TRPC7: variants seen among roughly 807,000 people sequenced by gnomAD.
TRPC7 encodes transient receptor potential cation channel subfamily C member 7, also known as short transient receptor potential channel 7.
In TRPC7, 42 loss-of-function variants were observed where a neutral mutation model predicts 90.1. The observed-to-expected ratio is 0.47, with a 90% CI of 0.36 to 0.60. TRPC7 has a LOEUF of 0.60. Among genes scored for constraint, TRPC7 ranks in the 20% least tolerant of loss-of-function variants. TRPC7 has a pLI of 0.00. For synonymous variants in TRPC7, 451 were observed against 436.3 expected, an observed-to-expected ratio of 1.03 and a Z score of -0.42; for missense variants, 955 against 1,112.3, an observed-to-expected ratio of 0.86 and a Z score of 2.01.
At chr5:136,254,071 G>A (rs1756611488) in intron 5 of TRPC7, among the ~76,000 whole-genome samples, 1 of 152,214 alleles carries the variant, frequency 6.6e-6, no homozygotes, top group African/African-American at 2.4e-5. Context: ...TGAGGAAGCT[G>A]CCAAAGAAAA....
chr5:136,303,399 C>A (rs1027510912), intron 3 of TRPC7, among the ~76,000 whole-genome samples: 3 of 152,208 alleles, frequency 2.0e-5, no homozygotes, highest in Non-Finnish European at 4.4e-5. Context: ...ACTTAGTTAA[C>A]CTCACCTTCA....
chr5:136,294,957 C>A (rs1350143564), intron 3 of TRPC7, among the ~76,000 whole-genome samples: 2 of 152,146 alleles, frequency 1.3e-5, no homozygotes, highest in Non-Finnish European at 2.9e-5. Context: ...TACTATGCAG[C>A]CATAAAAAGG....
chr5:136,216,051 C>T (rs936765022), intron 11 of TRPC7, 149 bp downstream of exon 11: 5 of 673,916 alleles, frequency 7.4e-6, no homozygotes, highest in East Asian at 2.7e-5. Flanking sequence ...TGCACTCTGC[C>T]GACAACTGAA....
chr5:136,257,225 C>T (rs376176944), intron 5 of TRPC7, among the ~76,000 whole-genome samples: 8 of 151,472 alleles, frequency 5.3e-5, no homozygotes, highest in African/African-American at 1.7e-4. Flanking sequence ...CTCTGTCGCC[C>T]AGGCTGGAGT....
At chr5:136,274,508 C>T (rs1319713383) in intron 4 of TRPC7, 165 bp downstream of exon 4, 1 of 717,742 alleles carries the variant, frequency 1.4e-6, no homozygotes, top group Non-Finnish European at 2.0e-6. Flanking sequence ...CACGTCTTAA[C>T]ATTTTTCCTT....
chr5:136,299,319 TTTCTC>T (rs898751849), intron 3 of TRPC7, among the ~76,000 whole-genome samples: 5 of 134,040 alleles, frequency 3.7e-5, no homozygotes, highest in Non-Finnish European at 8.0e-5. Context: ...AAAAAAGAAA[TTTCTC>T]TGACTGGGGT....
chr5:136,347,022 G>A (rs1427960535), intron 2 of TRPC7, among the ~76,000 whole-genome samples: 1 of 152,154 alleles, frequency 6.6e-6, no homozygotes, highest in Non-Finnish European at 1.5e-5. Context: ...GAATCCTACT[G>A]CATTATAACA....
At chr5:136,243,491 A>G (rs1320852213) in intron 7 of TRPC7, among the ~76,000 whole-genome samples, 1 of 151,954 alleles carries the variant, frequency 6.6e-6, no homozygotes, top group Non-Finnish European at 1.5e-5. Flanking sequence ...AGAACAGGCC[A>G]CTCACCTGTG....
At chr5:136,265,768 T>G (rs978786217) in intron 5 of TRPC7, among the ~76,000 whole-genome samples, 1 of 152,142 alleles carries the variant, frequency 6.6e-6, no homozygotes, top group African/African-American at 2.4e-5. Context: ...CTCCCGTGAA[T>G]TTTTAGATGT....
intron 3 of TRPC7, among the ~76,000 whole-genome samples, chr5:136,278,085 C>T (rs777343597): frequency 2.6e-5 from 4 of 152,180 alleles, no homozygotes; most frequent in African/African-American, 4.8e-5. Context: ...AGGAGTTGGC[C>T]TGCAGGGAGA....
intron 3 of TRPC7, among the ~76,000 whole-genome samples, chr5:136,279,651 T>TA (rs1301371604): frequency 1.3e-5 from 2 of 152,156 alleles, no homozygotes; most frequent in East Asian, 3.9e-4. Context: ...CCACCCTCCA[T>TA]ACCTGGCAGC....
At chr5:136,290,219 C>T (rs369880085) in intron 3 of TRPC7, among the ~76,000 whole-genome samples, 2 of 152,174 alleles carry the variant, frequency 1.3e-5, no homozygotes, top group Non-Finnish European at 2.9e-5. Flanking sequence ...ACTGGAAACT[C>T]TAAAAATCAG....
chr5:136,228,041 C>T (rs954025601), intron 8 of TRPC7, among the ~76,000 whole-genome samples: 14 of 152,134 alleles, frequency 9.2e-5, no homozygotes, highest in African/African-American at 3.4e-4. Context: ...CGATCCATGC[C>T]GTGGTGGAAC....
intron 2 of TRPC7, among the ~76,000 whole-genome samples, chr5:136,352,849 C>A (rs1051051770): frequency 1.3e-5 from 2 of 152,156 alleles, no homozygotes; most frequent in African/African-American, 4.8e-5. Context: ...CTTTGTGCCC[C>A]CAACCAGCCT....
chr5:136,226,056 C>A lies in TRPC7; in HGVS notation c.2240G>T (p.Gly747Val). 1 of 1,599,852 alleles carries A rather than the reference C, an allele frequency of 6.3e-7. No individual in the cohort carries two copies. Among genetic ancestry groups the A allele is most frequent in the Non-Finnish European group, 8.5e-7 (1 of 1,172,506 alleles). Residue 747 changes from glycine (G) to valine (V), a missense_variant, in exon 9 of 12, where the codon GGC becomes GTC. By Grantham distance (109) the Gly-to-Val change is moderately radical (BLOSUM62 -3). This residue lies in a region of TRPC7 where 296 missense variants were observed against 422.7 expected (regional missense o/e 0.70). Coordinates refer to ENST00000513104, the MANE Select transcript of TRPC7 (RefSeq NM_020389.3). The stretch of plus-strand genomic sequence containing the variant: ...TACCTTGAATTTGGAATTCAGCATG[C>A]CCATTTCAAGGTCATTTTCACAGCT... ...AKSCENDLEMGMLNSKFKKTR... is the reference protein window; with the variant it reads ...AKSCENDLEMVMLNSKFKKTR...
At chr5:136,248,925 T>C (rs1414377367) in intron 6 of TRPC7, among the ~76,000 whole-genome samples, 1 of 152,244 alleles carries the variant, frequency 6.6e-6, no homozygotes, top group Non-Finnish European at 1.5e-5. Context: ...ACTACTGGGA[T>C]GCTAATGTCC....
chr5:136,251,625 T>C, intron 6 of TRPC7, 24 bp downstream of exon 6: 1 of 1,554,472 alleles, frequency 6.4e-7, no homozygotes, highest in Non-Finnish European at 8.8e-7. Flanking sequence ...CAAAATGGAG[T>C]AGGGGAAGCA....
chr5:136,278,396 C>T (rs1267778433), intron 3 of TRPC7, among the ~76,000 whole-genome samples: 2 of 152,304 alleles, frequency 1.3e-5, no homozygotes, highest in African/African-American at 4.8e-5. Context: ...TCCTCATTGC[C>T]CCTGTGAGGT....
intron 3 of TRPC7, among the ~76,000 whole-genome samples, chr5:136,299,530 A>G (rs1462308599): frequency 1.3e-5 from 2 of 152,164 alleles, no homozygotes; most frequent in African/African-American, 4.8e-5. Flanking sequence ...TTATACTTAC[A>G]AAACTCCCCT....
Sources: gnomAD v4.1 joint callset for allele counts (sites outside exome capture counted in the v4.1 genomes callset) on GRCh38, gnomAD v4.1.1 for gene constraint, gnomAD v4.1.1 regional missense constraint, MANE v1.5 for transcripts, NCBI Gene and HGNC (gene_info 2026-07-23, HGNC 2026-07-21) for gene names.